GREB1L: variants seen among roughly 807,000 people sequenced by gnomAD.
GREB1L encodes GREB1-like protein.
In GREB1L, 17 loss-of-function variants were observed where a neutral mutation model predicts 200.8. The observed-to-expected ratio is 0.08, with a 90% CI of 0.06 to 0.13. The LOEUF is 0.13. Among genes scored for constraint, GREB1L ranks in the 10% least tolerant of loss-of-function variants. The pLI, the probability that GREB1L is intolerant of heterozygous loss-of-function variation, is 1.00. For synonymous variants in GREB1L, 789 were observed against 893.0 expected, an observed-to-expected ratio of 0.88 and a Z score of 2.08; for missense variants, 1,657 against 2,367.7, an observed-to-expected ratio of 0.70 and a Z score of 6.23.
chr18:21,405,997 T>C (rs370337410), intron 7 of GREB1L, among the ~76,000 whole-genome samples: 15 of 149,980 alleles, frequency 1.0e-4, no homozygotes, highest in African/African-American at 3.4e-4. Context: ...CTGGGTGCTG[T>C]TGCAGTGAGC....
chr18:21,279,037 TAAAA>T (rs1280244020), intron 1 of GREB1L, among the ~76,000 whole-genome samples: 1 of 152,170 alleles, frequency 6.6e-6, no homozygotes, highest in East Asian at 1.9e-4. Flanking sequence ...TTCAATAAAG[TAAAA>T]AAATCATTAA....
At chr18:21,429,189 T>TTCCCCTCCCC (rs1222410281) in intron 7 of GREB1L, among the ~76,000 whole-genome samples, 1 of 35,268 alleles carries the variant, frequency 2.8e-5, no homozygotes, top group African/African-American at 1.2e-4. Flanking sequence ...TTCCCCTCCC[T>TTCCCCTCCCC]TCCCCTCCCC....
intron 1 of GREB1L, among the ~76,000 whole-genome samples, chr18:21,327,378 C>G (rs773547103): frequency 2.0e-5 from 3 of 152,108 alleles, no homozygotes; most frequent in East Asian, 1.9e-4. Flanking sequence ...GTCACTAAAC[C>G]CTGTCGACTC....
intron 9 of GREB1L, 26 bp from the exon 10 acceptor site, chr18:21,441,374 T>C: frequency 1.3e-6 from 2 of 1,513,652 alleles, no homozygotes; most frequent in Non-Finnish European, 1.8e-6. Context: ...CACGCCATCT[T>C]TCTTGTCAAA....
At chr18:21,436,711 TG>T (rs2033565028) in intron 7 of GREB1L, among the ~76,000 whole-genome samples, 1 of 150,624 alleles carries the variant, frequency 6.6e-6, no homozygotes, top group Non-Finnish European at 1.5e-5. Flanking sequence ...TGTGTGTGTG[TG>T]TGTGTTTTCT....
intron 1 of GREB1L, among the ~76,000 whole-genome samples, chr18:21,310,937 G>A (rs1428432668): frequency 1.3e-5 from 2 of 152,196 alleles, no homozygotes; most frequent in Non-Finnish European, 2.9e-5. Flanking sequence ...TTATTGTAGA[G>A]GATGAAGTCT....
intron 19 of GREB1L, among the ~76,000 whole-genome samples, chr18:21,494,707 A>T (rs1323366181): frequency 6.6e-6 from 1 of 152,182 alleles, no homozygotes; most frequent in Non-Finnish European, 1.5e-5. Flanking sequence ...TTCATTGCTT[A>T]TAATAACTCC....
chr18:21,394,260 T>A lies in GREB1L; in HGVS notation c.356-1125T>A, dbSNP rs184277934. Among the ~76,000 whole-genome samples the A allele has an allele frequency of 9.2e-4, 140 of 152,356 alleles. No homozygotes were observed. The Middle Eastern group carries it at 0.01, about 11-fold the overall frequency. The stretch of plus-strand genomic sequence containing the variant: ...AAAGTGGCCCAGTTGGATCAGGTCC[T>A]AGCTCCACATCAATTTGGAGTGTCA... On this transcript the variant is annotated intron_variant, in intron 4 of 32. Transcript: ENST00000424526.
At chr18:21,510,288 T>G (rs1344763573) in intron 27 of GREB1L, among the ~76,000 whole-genome samples, 1 of 152,148 alleles carries the variant, frequency 6.6e-6, no homozygotes, top group Non-Finnish European at 1.5e-5. Context: ...ACATTCACAT[T>G]GTTTTAAGAC....
At chr18:21,512,926 A>G (rs1255900786) in intron 27 of GREB1L, among the ~76,000 whole-genome samples, 2 of 152,128 alleles carry the variant, frequency 1.3e-5, no homozygotes. Flanking sequence ...CCATAGATTT[A>G]ATAGCTTTTC....
chr18:21,411,912 G>T (rs1000426981), intron 7 of GREB1L, among the ~76,000 whole-genome samples: 1 of 151,886 alleles, frequency 6.6e-6, no homozygotes, highest in Non-Finnish European at 1.5e-5. Context: ...GGGCGCAGTG[G>T]TGGGCGCCTA....
At chr18:21,371,896 C>A (rs1030880527) in intron 2 of GREB1L, among the ~76,000 whole-genome samples, 1 of 151,458 alleles carries the variant, frequency 6.6e-6, no homozygotes, top group Non-Finnish European at 1.5e-5. Flanking sequence ...CATGTGTTTT[C>A]ACAAAAATCT....
intron 2 of GREB1L, among the ~76,000 whole-genome samples, chr18:21,381,935 A>G (rs1018098407): frequency 6.6e-6 from 1 of 152,238 alleles, no homozygotes; most frequent in Non-Finnish European, 1.5e-5. Context: ...ATTCAGGGTG[A>G]TGGAGCAGAA....
chr18:21,476,209 A>G (rs1258520589), intron 16 of GREB1L, among the ~76,000 whole-genome samples: 1 of 152,136 alleles, frequency 6.6e-6, no homozygotes, highest in Non-Finnish European at 1.5e-5. Flanking sequence ...TCTTTTCTCC[A>G]GGAGATGCTG....
intron 1 of GREB1L, among the ~76,000 whole-genome samples, chr18:21,338,244 G>A (rs1180334529): frequency 1.3e-5 from 2 of 152,182 alleles, no homozygotes; most frequent in Non-Finnish European, 2.9e-5. Context: ...GAATCTCTGA[G>A]AGGGAATAAG....
At position 21,492,289 on chromosome 18, in the gene GREB1L, T is replaced by C. The variant is rs1459361752; in HGVS notation, c.3030+1938T>C. On this transcript the variant is annotated intron_variant, in intron 19 of 32. Coordinates refer to ENST00000424526, the MANE Select transcript of GREB1L (RefSeq NM_001142966.3). Reference sequence around the variant, plus strand: ...TGAACCCGGGAGGCGGAGCTTGTAGTGAGCCGAGATTGTGCCACTACACTC... The same window carrying C: ...TGAACCCGGGAGGCGGAGCTTGTAGCGAGCCGAGATTGTGCCACTACACTC... Among the ~76,000 whole-genome samples the C allele has an allele frequency of 2.0e-5, 3 of 151,390 alleles. 1 individual carries two copies. Among genetic ancestry groups the C allele is most frequent in the Non-Finnish European group, 4.4e-5 (3 of 67,868 alleles).
chr18:21,247,237 C>T (rs2037620383), intron 1 of GREB1L, among the ~76,000 whole-genome samples: 1 of 152,188 alleles, frequency 6.6e-6, no homozygotes, highest in African/African-American at 2.4e-5. Flanking sequence ...CCCCACCCTT[C>T]AGTGCAGTTG....
At chr18:21,289,622 TACTG>T (rs1356441688) in intron 1 of GREB1L, among the ~76,000 whole-genome samples, 1 of 152,208 alleles carries the variant, frequency 6.6e-6, no homozygotes, top group Non-Finnish European at 1.5e-5. Flanking sequence ...ATTTTACTGA[TACTG>T]ACTTAAATAA....
chr18:21,399,657 T>G (rs1192059222), intron 5 of GREB1L, among the ~76,000 whole-genome samples: 1 of 152,210 alleles, frequency 6.6e-6, no homozygotes, highest in Admixed American at 6.5e-5. Flanking sequence ...TTTAAGTCAT[T>G]TATAAAATTA....
Sources: allele counts gnomAD v4.1 joint callset (sites outside exome capture counted in the v4.1 genomes callset), GRCh38; gene constraint gnomAD v4.1.1; transcripts MANE v1.5; gene names NCBI Gene and HGNC (gene_info 2026-07-23, HGNC 2026-07-21).